DRGX: variants seen among roughly 807,000 people sequenced by gnomAD.
DRGX encodes dorsal root ganglia homeobox, also known as dorsal root ganglia homeobox protein.
In DRGX, 21 loss-of-function variants were observed where a neutral mutation model predicts 28.6. The observed-to-expected ratio is 0.73, with a 90% CI of 0.52 to 1.06. The LOEUF is 1.06. Ranked by LOEUF, DRGX falls within the 50% of genes least tolerant of loss-of-function variation. DRGX has a pLI of 0.00. For missense variants in DRGX, 354 were observed against 343.9 expected, an observed-to-expected ratio of 1.03 and a Z score of -0.23; for synonymous variants, 136 against 139.1, an observed-to-expected ratio of 0.98 and a Z score of 0.16.
At chr10:49,393,819 T>C (rs972933368) in intron 2 of DRGX, among the ~76,000 whole-genome samples, 2 of 152,200 alleles carry the variant, frequency 1.3e-5, no homozygotes, top group African/African-American at 2.4e-5. Flanking sequence ...GCCCAGGGTG[T>C]GGGGAGCACA....
At chr10:49,380,043 G>A (rs551278566) in intron 6 of DRGX, among the ~76,000 whole-genome samples, 2 of 152,318 alleles carry the variant, frequency 1.3e-5, no homozygotes, top group Non-Finnish European at 2.9e-5. Context: ...CTGACTCTAG[G>A]GAACCACGCT....
At chr10:49,379,591 A>G (rs1342579165) in intron 6 of DRGX, among the ~76,000 whole-genome samples, 2 of 152,186 alleles carry the variant, frequency 1.3e-5, no homozygotes, top group Non-Finnish European at 2.9e-5. Flanking sequence ...GAAGCTGGAC[A>G]CTTCAGCCTG....
At chr10:49,381,012 T>C (rs1849769466) in intron 6 of DRGX, among the ~76,000 whole-genome samples, 1 of 152,192 alleles carries the variant, frequency 6.6e-6, no homozygotes, top group Non-Finnish European at 1.5e-5. Flanking sequence ...TGCAGATGAG[T>C]GAGCAGAAGT....
At chr10:49,374,696 A>C (rs1347147170) in intron 6 of DRGX, among the ~76,000 whole-genome samples, 4 of 152,204 alleles carry the variant, frequency 2.6e-5, no homozygotes, top group African/African-American at 9.7e-5. Flanking sequence ...ACAGTCTGAA[A>C]TATTTGATCT....
chr10:49,380,763 G>A (rs1849765963), intron 6 of DRGX, among the ~76,000 whole-genome samples: 1 of 152,226 alleles, frequency 6.6e-6, no homozygotes, highest in African/African-American at 2.4e-5. Context: ...TCAGAGAAAT[G>A]GGAGAGGTTT....
intron 6 of DRGX, among the ~76,000 whole-genome samples, chr10:49,382,479 G>A (rs756449314): frequency 1.3e-5 from 2 of 152,206 alleles, no homozygotes; most frequent in Non-Finnish European, 2.9e-5. Flanking sequence ...GGGGATGCAG[G>A]AAGATGAGGG....
At position 49,365,976 on chromosome 10, in the gene DRGX, T is replaced by C; in HGVS notation, c.*140A>G. 9.9e-7 allele frequency: 1 copy of C among 1,012,976 alleles called. No individual in the cohort carries two copies. The highest frequency in any genetic ancestry group is 1.3e-6 in the Non-Finnish European group (1 of 745,108). 62.7% of individuals were successfully genotyped at this position (1,012,976 alleles called of 1,614,324 possible). On this transcript the variant is annotated 3_prime_UTR_variant, in exon 7 of 7. Transcript: ENST00000374139. ...CTCCAGGTGCCAAGGGAGCTGTGGG[T>C]CTCACTTGCCCGTCCTGGGTCCATG...
At chr10:49,368,066 G>A (rs1284673735) in intron 6 of DRGX, among the ~76,000 whole-genome samples, 1 of 152,108 alleles carries the variant, frequency 6.6e-6, no homozygotes, top group Non-Finnish European at 1.5e-5. Flanking sequence ...GCATATTCAT[G>A]TATCCTCCTC....
intron 5 of DRGX, 28 bp downstream of exon 5, chr10:49,386,652 C>T (rs750852585): frequency 1.9e-6 from 3 of 1,572,132 alleles, no homozygotes; most frequent in Non-Finnish European, 2.6e-6. Context: ...GCCCATGGCC[C>T]ACCGGGCCCA....
At chr10:49,377,791 A>T (rs1308274777) in intron 6 of DRGX, among the ~76,000 whole-genome samples, 1 of 152,258 alleles carries the variant, frequency 6.6e-6, no homozygotes, top group African/African-American at 2.4e-5. Flanking sequence ...TGCCCAGTTG[A>T]GCCCAGCCAG....
intron 6 of DRGX, among the ~76,000 whole-genome samples, chr10:49,382,691 C>A (rs111319342): frequency 6.6e-6 from 1 of 152,184 alleles, no homozygotes; most frequent in Admixed American, 6.5e-5. Context: ...CTCACCCTAC[C>A]TCTGGGCACT....
chr10:49,364,845 C>G lies in DRGX; in HGVS notation c.*1271G>C, dbSNP rs1363900089. On this transcript the variant is annotated 3_prime_UTR_variant, in exon 7 of 7. Transcript: ENST00000374139. ...TAATAACTGAAACCAAAATAACCAT[C>G]ATGAAGGCAATAACCATCCGCATGG... 2 of 152,160 alleles carry G rather than the reference C, an allele frequency of 1.3e-5. No individual in the cohort carries two copies. The highest frequency in any genetic ancestry group is 2.9e-5 in the Non-Finnish European group (2 of 68,046). 9.4% of individuals were successfully genotyped at this position (152,160 alleles called of 1,614,324 possible).
chr10:49,384,544 C>T (rs190332021), intron 6 of DRGX, among the ~76,000 whole-genome samples: 18 of 152,212 alleles, frequency 1.2e-4, no homozygotes, highest in Admixed American at 2.6e-4. Context: ...GGCTCCGGGG[C>T]GGGGTGGCAG....
At chr10:49,377,351 C>T (rs978701677) in intron 6 of DRGX, among the ~76,000 whole-genome samples, 3 of 152,206 alleles carry the variant, frequency 2.0e-5, no homozygotes, top group African/African-American at 7.2e-5. Context: ...CAACAAACAC[C>T]CCAACTCATG....
chr10:49,393,903 C>T (rs1264699330), intron 2 of DRGX, among the ~76,000 whole-genome samples: 1 of 152,216 alleles, frequency 6.6e-6, no homozygotes, highest in Non-Finnish European at 1.5e-5. Context: ...CTCACTGCTG[C>T]AGTCCACCCC....
chr10:49,394,761 A>C (rs1463756458), intron 2 of DRGX, among the ~76,000 whole-genome samples: 3 of 152,140 alleles, frequency 2.0e-5, no homozygotes, highest in Non-Finnish European at 4.4e-5. Flanking sequence ...AAAGATGGAA[A>C]TTCTGGCCTG....
Position 49,365,383 on chromosome 10 carries a change from G to A in DRGX, c.*733C>T, listed in dbSNP as rs975962455. On this transcript the variant is annotated 3_prime_UTR_variant, in exon 7 of 7. Coordinates refer to ENST00000374139, the MANE Select transcript of DRGX (RefSeq NM_001276451.2). ...TTGCAGGTGAGTGCTTCAGGTACAG[G>A]GGCCACACTAGTTCCACACCCACAG... 1.3e-5 allele frequency: 2 copies of A among 152,202 alleles called. No homozygotes were observed. The highest frequency in any genetic ancestry group is 4.8e-5 in the African/African-American group (2 of 41,394). The allele number at this position is 152,202 out of a possible 1,614,324, so 9.4% of individuals were successfully genotyped here.
intron 6 of DRGX, among the ~76,000 whole-genome samples, chr10:49,385,649 G>C (rs7080552): frequency 0.44 from 66,264 of 151,876 alleles, 15,786 homozygotes; most frequent in African/African-American, 0.63. Context: ...GACCTCAGGC[G>C]TTAGCAGAAC....
At position 49,386,488 on chromosome 10, in the gene DRGX, A is replaced by G; in HGVS notation, c.516T>C (p.Ala172=). ...ATYAQALSHV[A]SLKGGPLCSC... ...CGAACCCAAACTCACCTTTGAGGGA[A>G]GCCACATGGGACAAGGCCTGGGCGT... The change falls in exon 6 of 7, where the codon GCT becomes GCC. Residue 172 remains alanine (A), a synonymous_variant. Coordinates refer to ENST00000374139, the MANE Select transcript of DRGX (RefSeq NM_001276451.2). The G allele has an allele frequency of 6.4e-7, 1 of 1,571,978 alleles. No individual in the cohort carries two copies. The highest frequency in any genetic ancestry group is 8.6e-7 in the Non-Finnish European group (1 of 1,159,690).
Sources: allele counts gnomAD v4.1 joint callset (sites outside exome capture counted in the v4.1 genomes callset), GRCh38; gene constraint gnomAD v4.1.1; transcripts MANE v1.5; gene names NCBI Gene and HGNC (gene_info 2026-07-23, HGNC 2026-07-21).